GDA: variants seen among roughly 807,000 people sequenced by gnomAD.
The protein encoded by GDA is cytoplasmic PSD-95 interactor.
In GDA, 18 loss-of-function variants were observed where a neutral mutation model predicts 59.6. That is an observed-to-expected ratio of 0.30 (90% CI 0.21 to 0.45). The LOEUF (loss-of-function observed/expected upper bound fraction) is 0.45, where lower values mean the gene tolerates loss of function less well. Among genes scored for constraint, GDA ranks in the 20% least tolerant of loss-of-function variants. GDA has a pLI of 1.00. For missense variants in GDA, 427 were observed against 552.3 expected (o/e 0.77, Z 2.27); for synonymous variants, 201 against 201.1 (o/e 1.00, Z 0.00).
intron 3 of GDA, among the ~76,000 whole-genome samples, chr9:72,208,929 T>C (rs1369517694): frequency 6.6e-6 from 1 of 152,242 alleles, no homozygotes; most frequent in African/African-American, 2.4e-5. Context: ...TAGAAACCTA[T>C]ATAATAGAGC....
chr9:72,254,093 A>C (rs1045361600), downstream of GDA, among the ~76,000 whole-genome samples: 13 of 152,208 alleles, frequency 8.5e-5, no homozygotes, highest in Non-Finnish European at 1.9e-4. Flanking sequence ...CAATGGCAGC[A>C]GGTGTTTTGT....
chr9:72,229,986 A>G (rs764254663), intron 9 of GDA, among the ~76,000 whole-genome samples: 1 of 152,200 alleles, frequency 6.6e-6, no homozygotes, highest in African/African-American at 2.4e-5. Flanking sequence ...AGCATAATCT[A>G]GCTTTGCAAA....
upstream of GDA, among the ~76,000 whole-genome samples, chr9:72,146,968 G>T (rs1826663429): frequency 6.6e-6 from 1 of 152,132 alleles, no homozygotes; most frequent in Non-Finnish European, 1.5e-5. Context: ...TCACCTGGAG[G>T]TTCATGGCCA....
At chr9:72,135,221 CGT>C (rs58242514) in intron 1 of GDA, among the ~76,000 whole-genome samples, 156 of 148,284 alleles carry the variant, frequency 1.1e-3, no homozygotes, top group Middle Eastern at 3.5e-3. Flanking sequence ...GGCCTACGTA[CGT>C]GTGTGTGTGT....
rs149629694 is a variant in GDA at position 72,226,369 on chromosome 9, T to C, written c.822+585T>C. 2.9e-3 allele frequency among the ~76,000 whole-genome samples: 443 copies of C among 152,332 alleles called. 2 individuals carry two copies. Among genetic ancestry groups the C allele is most frequent in the African/African-American group, 0.01 (432 of 41,568 alleles). On this transcript the variant is annotated intron_variant, in intron 8 of 13. Transcript: ENST00000358399. ...TATTTGATGTGTATGTACATATGTA[T>C]AGATGCATGCTTACTTAGAAAAAAA...
chr9:72,165,699 A>G (rs1160362058), intron 1 of GDA, among the ~76,000 whole-genome samples: 1 of 152,096 alleles, frequency 6.6e-6, no homozygotes, highest in Non-Finnish European at 1.5e-5. Context: ...GGAGTTCAAG[A>G]CCAGCCTGGC....
At chr9:72,252,392 A>T (rs983711329), downstream of GDA, among the ~76,000 whole-genome samples, 1 of 152,196 alleles carries the variant, frequency 6.6e-6, no homozygotes, top group South Asian at 2.1e-4. Context: ...AATAGTCACT[A>T]TACATAGCTT....
chr9:72,165,275 G>A (rs1430306225), intron 1 of GDA, among the ~76,000 whole-genome samples: 1 of 152,202 alleles, frequency 6.6e-6, no homozygotes, highest in Non-Finnish European at 1.5e-5. Context: ...AAATATATGT[G>A]TCAGAGCTTA....
At chr9:72,246,341 T>C (rs1840138408) in intron 12 of GDA, among the ~76,000 whole-genome samples, 1 of 152,154 alleles carries the variant, frequency 6.6e-6, no homozygotes, top group Non-Finnish European at 1.5e-5. Context: ...AGAGACAGGG[T>C]TTCACCATGT....
In GDA at chr9:72,210,791, T is replaced by C. The variant is rs11143170; in HGVS notation, c.472+17T>C. 0.27 allele frequency: 414,137 copies of C among 1,510,910 alleles called. 59,279 individuals carry two copies. The highest frequency in any genetic ancestry group is 0.49 in the East Asian group (21,882 of 44,384). 93.6% of individuals were successfully genotyped at this position (1,510,910 alleles called of 1,614,324 possible). A position where few individuals can be genotyped will look rare whatever the true frequency, so the allele number is the denominator to read the frequency against. On this transcript the variant is annotated intron_variant, in intron 4 of 13. Coordinates refer to ENST00000358399, the MANE Select transcript of GDA (RefSeq NM_004293.5). ...ACATTACAGGTGAGCAAATGAAGCATGATTTATGGGCACCTCAAGCAAAGA... is the reference window on the plus strand; with the variant it reads ...ACATTACAGGTGAGCAAATGAAGCACGATTTATGGGCACCTCAAGCAAAGA...
At chr9:72,219,419 TAAAG>T (rs1268175328) in intron 5 of GDA, 56 bp from the exon 6 acceptor site, 4 of 1,249,154 alleles carry the variant, frequency 3.2e-6, no homozygotes, top group Admixed American at 1.9e-5. Flanking sequence ...AAAATAATAA[TAAAG>T]AAAAGAAAAA....
chr9:72,218,302 A>T (rs1025716412), intron 5 of GDA, among the ~76,000 whole-genome samples: 1 of 152,210 alleles, frequency 6.6e-6, no homozygotes, highest in Non-Finnish European at 1.5e-5. Context: ...ACATATTCTG[A>T]TGCAGGTTTT....
intron 1 of GDA, among the ~76,000 whole-genome samples, chr9:72,164,725 T>G (rs557495788): frequency 3.1e-4 from 47 of 151,406 alleles, no homozygotes; most frequent in African/African-American, 1.1e-3. Flanking sequence ...GGCTCACGCC[T>G]GTAATCCCAG....
chr9:72,224,774 G>T (rs1001578923), intron 7 of GDA, among the ~76,000 whole-genome samples: 1 of 150,046 alleles, frequency 6.7e-6, no homozygotes, highest in Non-Finnish European at 1.5e-5. Context: ...ATTCAGTGCC[G>T]AGAGAATTTG....
chr9:72,119,787 T>G (rs1825597649), intron 1 of GDA, among the ~76,000 whole-genome samples: 1 of 152,212 alleles, frequency 6.6e-6, no homozygotes, highest in Non-Finnish European at 1.5e-5. Context: ...TTGAGCAAGA[T>G]ATACACTTTA....
intron 1 of GDA, among the ~76,000 whole-genome samples, chr9:72,171,236 C>T (rs1210519686): frequency 6.6e-6 from 1 of 152,210 alleles, no homozygotes. Context: ...CTTGCTATAG[C>T]AACAACTATA....
intron 9 of GDA, among the ~76,000 whole-genome samples, chr9:72,230,531 A>T (rs764994817): frequency 4.6e-5 from 7 of 150,878 alleles, no homozygotes; most frequent in African/African-American, 1.5e-4. Flanking sequence ...TGGCTGGCAC[A>T]TCTCTTTAGC....
chr9:72,116,386 C>CTTTTTT (rs201791483), intron 1 of GDA, among the ~76,000 whole-genome samples: 1 of 128,328 alleles, frequency 7.8e-6, no homozygotes, highest in Non-Finnish European at 1.6e-5. Context: ...TTTCCCCAGC[C>CTTTTTT]TTTTTTTTTT....
chr9:72,259,751 G>A (rs1840920070), downstream of GDA, among the ~76,000 whole-genome samples: 1 of 152,192 alleles, frequency 6.6e-6, no homozygotes, highest in African/African-American at 2.4e-5. Context: ...TTCTGCTCAG[G>A]TTGAAGAATA....
Sources: gnomAD v4.1 joint callset for allele counts (sites outside exome capture counted in the v4.1 genomes callset) on GRCh38, gnomAD v4.1.1 for gene constraint, MANE v1.5 for transcripts, NCBI Gene and HGNC (gene_info 2026-07-23, HGNC 2026-07-21) for gene names.